Variants in UBE3B observed in about 807,000 individuals in gnomAD.
The protein encoded by UBE3B is ubiquitin-protein ligase E3B.
A neutral mutation model predicts 132.3 loss-of-function variants in UBE3B; 80 were observed. That is an observed-to-expected ratio of 0.60 (90% CI 0.50 to 0.73). The LOEUF is 0.73. Ranked by LOEUF, UBE3B falls within the 30% of genes least tolerant of loss-of-function variation. The probability of loss-of-function intolerance (pLI) is 0.00; values close to 1 mark genes in which losing one functional copy is unlikely to be tolerated. For synonymous variants in UBE3B, 487 were observed against 520.4 expected (o/e 0.94, Z 0.87); for missense variants, 1,196 against 1,362.5 (o/e 0.88, Z 1.92).
intron 18 of UBE3B, among the ~76,000 whole-genome samples, 166 bp downstream of exon 18, chr12:109,511,469 G>C (rs1880365160): frequency 6.6e-6 from 1 of 152,210 alleles, no homozygotes; most frequent in South Asian, 2.1e-4. Flanking sequence ...CCCAGTGCTG[G>C]GGTACAGAGC....
chr12:109,488,750 A>T, intron 7 of UBE3B, 82 bp downstream of exon 7: 1 of 1,374,674 alleles, frequency 7.3e-7, no homozygotes. Context: ...TGTAAGAAGC[A>T]TTTTTGCCAC....
intron 17 of UBE3B, 49 bp from the exon 18 acceptor site, chr12:109,511,155 G>T (rs1218697087): frequency 3.8e-6 from 6 of 1,565,986 alleles, no homozygotes. Context: ...CACACTAGAG[G>T]ATGGTTTCCT....
rs762251221 is a variant in UBE3B at position 109,501,442 on chromosome 12, T to C, written c.1190T>C (p.Phe397Ser). Reference sequence around the variant, plus strand: ...TGGGGGGTGCCTCTGATCCGGATCTTCTTCTGTGACATCCTGAGCAAGAAG... The same window carrying C: ...TGGGGGGTGCCTCTGATCCGGATCTCCTTCTGTGACATCCTGAGCAAGAAG... ...FLWGVPLIRI[F>S]FCDILSKKLL... The change falls in exon 13 of 28, where the codon TTC (phenylalanine) becomes TCC (serine). Residue 397 changes from phenylalanine to serine, a missense_variant. Transcript: ENST00000342494. 1 of 1,614,134 alleles carries C rather than the reference T, an allele frequency of 6.2e-7. No individual in the cohort carries two copies. The highest frequency in any genetic ancestry group is 1.1e-5 in the South Asian group (1 of 91,076).
chr12:109,526,523 C>G (rs1199374424), intron 24 of UBE3B, 107 bp downstream of exon 24: 1 of 1,159,354 alleles, frequency 8.6e-7, no homozygotes, highest in African/African-American at 1.5e-5. Flanking sequence ...TAGAAAGAGG[C>G]CATAAATATC....
chr12:109,517,933 C>A (rs1480354171), intron 19 of UBE3B: 2 of 445,866 alleles, frequency 4.5e-6, no homozygotes, highest in Non-Finnish European at 9.1e-6. Flanking sequence ...TTTGAGTGCC[C>A]CTGGCCACTG....
At chr12:109,479,036 C>T (rs1293464677) in intron 1 of UBE3B, among the ~76,000 whole-genome samples, 3 of 152,198 alleles carry the variant, frequency 2.0e-5, no homozygotes, top group Non-Finnish European at 2.9e-5. Flanking sequence ...ACAGCCTTGA[C>T]TCTGCCACAT....
At chr12:109,539,492 G>A (rs1183974729), downstream of UBE3B, among the ~76,000 whole-genome samples, 1 of 152,188 alleles carries the variant, frequency 6.6e-6, no homozygotes, top group East Asian at 1.9e-4. Flanking sequence ...CACGATCTGG[G>A]AGGCCGGTGG....
chr12:109,490,648 C>A (rs1592894956), intron 8 of UBE3B: 3 of 1,510,402 alleles, frequency 2.0e-6, no homozygotes, highest in Non-Finnish European at 2.6e-6. Flanking sequence ...AATATGATGT[C>A]TTTAAATTTT....
At chr12:109,490,466 G>A in intron 8 of UBE3B, 2 of 1,535,168 alleles carry the variant, frequency 1.3e-6, no homozygotes, top group Non-Finnish European at 1.7e-6. Flanking sequence ...AAGTAATGTT[G>A]ACTTTGCCCT....
chr12:109,509,501 C>T, intron 15 of UBE3B, 95 bp from the exon 16 acceptor site: 1 of 722,958 alleles, frequency 1.4e-6, no homozygotes, highest in South Asian at 1.9e-5. Flanking sequence ...AAGCTTATTT[C>T]TCAACCTCGT....
At chr12:109,511,344 T>C (rs753761671) in intron 18 of UBE3B, 41 bp downstream of exon 18, 9 of 1,581,076 alleles carry the variant, frequency 5.7e-6, no homozygotes, top group Non-Finnish European at 7.8e-6. Context: ...TGTCTTTCTA[T>C]TCCCCCACGT....
chr12:109,515,190 G>A lies in UBE3B; in HGVS notation c.1957-1575G>A, dbSNP rs1880876287. On this transcript the variant is annotated intron_variant, in intron 18 of 27. Transcript: ENST00000342494. The stretch of plus-strand genomic sequence containing the variant: ...GGCCTCCCAAAGTGCTGGGATTACA[G>A]GCGTGAGCCACCGCGACTGGCCCAT... Among the ~76,000 whole-genome samples the A allele has an allele frequency of 2.6e-5, 4 of 151,940 alleles. No individual in the cohort carries two copies. The South Asian group carries it at 8.3e-4, about 32-fold the overall frequency.
At chr12:109,481,263 C>G (rs1425045730) in intron 1 of UBE3B, among the ~76,000 whole-genome samples, 1 of 151,040 alleles carries the variant, frequency 6.6e-6, no homozygotes, top group Non-Finnish European at 1.5e-5. Flanking sequence ...TTATAGTGAG[C>G]TGAAATTATG....
At chr12:109,494,334 A>G (rs1273516296) in intron 9 of UBE3B, among the ~76,000 whole-genome samples, 1 of 152,178 alleles carries the variant, frequency 6.6e-6, no homozygotes, top group Non-Finnish European at 1.5e-5. Flanking sequence ...TTTTTAGTAA[A>G]TAGCACTTGA....
At position 109,533,366 on chromosome 12, in the gene UBE3B, C is replaced by T. The variant is rs7966661; in HGVS notation, c.2923-100C>T. 2.4e-3 allele frequency: 2,716 copies of T among 1,148,310 alleles called. 47 individuals carry two copies. In the African/African-American group the frequency reaches 0.035, roughly 15 times the overall value. 71.1% of individuals were successfully genotyped at this position (1,148,310 alleles called of 1,614,324 possible). ...GGCTGGCTAGACAGCAGTTACAACA[C>T]GGTAACAGACAGAGCAAACACGTGC... On this transcript the variant is annotated intron_variant, in intron 26 of 27. Coordinates refer to ENST00000342494, the MANE Select transcript of UBE3B (RefSeq NM_130466.4).
chr12:109,503,097 G>A lies in UBE3B; in HGVS notation c.1357G>A (p.Asp453Asn), dbSNP rs760211645. The change falls in exon 14 of 28, where the codon GAC (aspartate) becomes AAC (asparagine). Residue 453 changes from aspartate (D) to asparagine (N), a missense_variant. Transcript: ENST00000342494. ...CAGGCCTGTCGGGGGTAAACGGGTC[G>A]ACTCTGCAGAAGTCCAGAAGGTTTG... Reference protein sequence around the residue: ...ILRPVGGKRVDSAEVQKVCNI... With the variant: ...ILRPVGGKRVNSAEVQKVCNI... The A allele has an allele frequency of 3.0e-5, 49 of 1,614,074 alleles. No homozygotes were observed. Among genetic ancestry groups the A allele is most frequent in the Admixed American group, 3.0e-4 (18 of 59,994 alleles).
chr12:109,489,841 G>A (rs1334068917), intron 7 of UBE3B, 78 bp from the exon 8 acceptor site: 1 of 1,358,644 alleles, frequency 7.4e-7, no homozygotes, highest in Non-Finnish European at 1.1e-6. Flanking sequence ...TCGGATGTGG[G>A]ACACAATTTC....
At position 109,522,437 on chromosome 12, in the gene UBE3B, C is replaced by G. The variant is rs1881827043; in HGVS notation, c.2364+886C>G. On this transcript the variant is annotated intron_variant, in intron 21 of 27. Transcript: ENST00000342494. The surrounding 1 kb of genome is among the most constrained non-coding windows in gnomAD (Gnocchi z 4.2). ...GGAGGAAGGAAAGCTGCAGCACAAG[C>G]CCAGCCAGTCTGTGTGGCCTTCGCA... Among the ~76,000 whole-genome samples the G allele has an allele frequency of 6.6e-6, 1 of 152,230 alleles. No homozygotes were observed. Among genetic ancestry groups the G allele is most frequent in the South Asian group, 2.1e-4 (1 of 4,838 alleles).
At chr12:109,495,272 C>G (rs1202334046) in intron 9 of UBE3B, among the ~76,000 whole-genome samples, 1 of 152,250 alleles carries the variant, frequency 6.6e-6, no homozygotes, top group South Asian at 2.1e-4. Context: ...ACTAACACCT[C>G]TGCTCATTGC....
Sources: allele counts gnomAD v4.1 joint callset (sites outside exome capture counted in the v4.1 genomes callset), GRCh38; gene constraint gnomAD v4.1.1; non-coding constraint Gnocchi (gnomAD v3.1); transcripts MANE v1.5; gene names NCBI Gene and HGNC (gene_info 2026-07-23, HGNC 2026-07-21).